The following PIK3R5 variants were observed in gnomAD, a reference collection of about 807,000 sequenced individuals.
PIK3R5 encodes phosphoinositide 3-kinase regulatory subunit 5.
In PIK3R5, 32 loss-of-function variants were observed where a neutral mutation model predicts 94.9. That is an observed-to-expected ratio of 0.34 (90% CI 0.25 to 0.45). PIK3R5 has a LOEUF of 0.45. PIK3R5 is among the 20% of genes least tolerant of loss of function. PIK3R5 has a pLI of 1.00. For synonymous variants in PIK3R5, 443 were observed against 479.4 expected (o/e 0.92, Z 0.99); for missense variants, 853 against 1,144.6 (o/e 0.75, Z 3.68).
rs770300255 is a variant in PIK3R5, at chr17:8,890,829, G to C, written c.566C>G (p.Pro189Arg). The C allele has an allele frequency of 1.2e-6, 2 of 1,613,560 alleles. No homozygotes were observed. Among genetic ancestry groups the C allele is most frequent in the South Asian group, 2.2e-5 (2 of 90,898 alleles). Residue 189 changes from proline (P) to arginine (R), a missense_variant, in exon 7 of 19, where the codon CCT becomes CGT. By Grantham distance (103) the Pro-to-Arg change is moderately radical. Transcript: ENST00000447110. The surrounding 1 kb of genome is among the most constrained non-coding windows in gnomAD (Gnocchi z 6.1). The part of the protein sequence containing the change: ...ANKLSTPGHS[P>R]HSAYTTLLLH... ...GAGCAGGGTGGTGTAGGCACTGTGAGGCGAGTGTCCGGGCGTACTCAGCTT... is the reference window on the plus strand; with the variant it reads ...GAGCAGGGTGGTGTAGGCACTGTGACGCGAGTGTCCGGGCGTACTCAGCTT...
chr17:8,925,347 G>C lies in PIK3R5; in HGVS notation c.-13-13840C>G, dbSNP rs2090855654. On this transcript the variant is annotated intron_variant, in intron 1 of 18. Transcript: ENST00000447110. This position sits in a 1 kb window ranked among gnomAD's most constrained non-coding sequence, Gnocchi z 5.1. The stretch of plus-strand genomic sequence containing the variant: ...TAGATGGATAGACAGTAGATTGATA[G>C]ATAGATGGATTGATAGATAGTAGAT... Among the ~76,000 whole-genome samples the C allele has an allele frequency of 6.6e-6, 1 of 150,976 alleles. No individual in the cohort carries two copies.
rs777022510 is a variant in PIK3R5, at chr17:8,887,084, G to C, written c.1905+12C>G. ...CCAGTGGACCCTGTTCCGCAACCAC[G>C]GGGCCACTTACCTGGCACAGGACTT... On this transcript the variant is annotated intron_variant, in intron 12 of 18. Coordinates refer to ENST00000447110, the MANE Select transcript of PIK3R5 (RefSeq NM_001142633.3). The C allele has an allele frequency of 6.2e-7, 1 of 1,613,720 alleles. No homozygotes were observed.
intron 1 of PIK3R5, among the ~76,000 whole-genome samples, chr17:8,941,935 A>G (rs1301395199): frequency 6.6e-6 from 1 of 152,232 alleles, no homozygotes; most frequent in Non-Finnish European, 1.5e-5. Flanking sequence ...GGGAGGATTT[A>G]CATGTATGGA....
chr17:8,942,958 C>T (rs926227435), intron 1 of PIK3R5, among the ~76,000 whole-genome samples: 7 of 45,842 alleles, frequency 1.5e-4, no homozygotes, highest in African/African-American at 7.6e-4. Flanking sequence ...AAGCAGATCA[C>T]GTCATACACA....
chr17:8,951,439 A>G (rs187825244), intron 1 of PIK3R5, among the ~76,000 whole-genome samples: 4 of 152,124 alleles, frequency 2.6e-5, no homozygotes, highest in Admixed American at 2.0e-4. Context: ...GTAACCTCTA[A>G]TCTACTTTCT....
chr17:8,962,079 T>A (rs74759151), intron 1 of PIK3R5, among the ~76,000 whole-genome samples: 1 of 152,336 alleles, frequency 6.6e-6, no homozygotes, highest in East Asian at 1.9e-4. Flanking sequence ...CACTTAGGCT[T>A]GGTCAATTCT....
chr17:8,887,614 C>T lies in PIK3R5; in HGVS notation c.1686G>A (p.Lys562=). 1 of 1,610,422 alleles carries T rather than the reference C, an allele frequency of 6.2e-7. No homozygotes were observed. Among genetic ancestry groups the T allele is most frequent in the Non-Finnish European group, 8.5e-7 (1 of 1,178,370 alleles). The change falls in exon 11 of 19, where the codon AAG becomes AAA. Residue 562 remains lysine, a synonymous_variant. Transcript: ENST00000447110. ...CACCAGGGCTGGTCCCATGACTTCG[C>T]TTCACAGGCACGTAGAAGAACTGAA... ...FKLQFFYVPV[K]RSHGTSPGAC...
chr17:8,894,659 GCAT>G (rs1169262139), intron 5 of PIK3R5, among the ~76,000 whole-genome samples: 2 of 152,230 alleles, frequency 1.3e-5, no homozygotes, highest in Non-Finnish European at 2.9e-5. Context: ...TTTACAGTGT[GCAT>G]TCAGTTCTGT....
intron 3 of PIK3R5, among the ~76,000 whole-genome samples, chr17:8,908,573 A>ACACACACACACAC (rs1555548559): frequency 6.7e-6 from 1 of 148,710 alleles, no homozygotes; most frequent in African/African-American, 2.5e-5. Flanking sequence ...ACACACACAC[A>ACACACACACACAC]ACCATAAAAG....
At chr17:8,918,574 A>C (rs1795944806) in intron 1 of PIK3R5, among the ~76,000 whole-genome samples, 1 of 152,244 alleles carries the variant, frequency 6.6e-6, no homozygotes, top group Admixed American at 6.5e-5. Flanking sequence ...ATTCCAATTA[A>C]TAATGTGAGA....
intron 1 of PIK3R5, among the ~76,000 whole-genome samples, chr17:8,923,213 G>A (rs2090789901): frequency 6.6e-6 from 1 of 152,148 alleles, no homozygotes; most frequent in Admixed American, 6.5e-5. Flanking sequence ...ACTTTCCCAA[G>A]GACATACGGA....
At position 8,881,920 on chromosome 17, in the gene PIK3R5, G is replaced by A. The variant is rs2089675479; in HGVS notation, c.2206-39C>T. 1.3e-6 allele frequency: 2 copies of A among 1,493,456 alleles called. No individual in the cohort carries two copies. The highest frequency in any genetic ancestry group is 2.3e-5 in the South Asian group (2 of 86,714). The allele number at this position is 1,493,456 out of a possible 1,614,324, so 92.5% of individuals were successfully genotyped here. On this transcript the variant is annotated intron_variant, in intron 15 of 18. Coordinates refer to ENST00000447110, the MANE Select transcript of PIK3R5 (RefSeq NM_001142633.3). The surrounding 1 kb of genome is among the most constrained non-coding windows in gnomAD (Gnocchi z 4.8). Reference sequence around the variant, plus strand: ...GTAGCCAGACCCTCTGAGTCCAGAGGCCCCGGTGCCTGCTGCCTTCTCTTT... The same window carrying A: ...GTAGCCAGACCCTCTGAGTCCAGAGACCCCGGTGCCTGCTGCCTTCTCTTT...
rs888409836 is a variant in PIK3R5 at position 8,888,382 on chromosome 17, G to C, written c.1405C>G (p.Pro469Ala). The change falls in exon 10 of 19, where the codon CCC becomes GCC. Residue 469 changes from proline (P) to alanine (A), a missense_variant. Coordinates refer to ENST00000447110, the MANE Select transcript of PIK3R5 (RefSeq NM_001142633.3). The surrounding 1 kb of genome is among the most constrained non-coding windows in gnomAD (Gnocchi z 7.8). ...LCSPLDEPVS[P>A]PSRAQRSRSL... ...CGGGAGCGCTGGGCCCGGGAAGGGG[G>C]TGATACTGGTTCGTCCAGGGGGCTG... 1.9e-6 allele frequency: 3 copies of C among 1,605,136 alleles called. No individual in the cohort carries two copies. The African/African-American group carries it at 4.0e-5, about 21-fold the overall frequency.
At chr17:8,948,741 C>T (rs1252864182) in intron 1 of PIK3R5, among the ~76,000 whole-genome samples, 4 of 152,162 alleles carry the variant, frequency 2.6e-5, no homozygotes, top group Admixed American at 2.0e-4. Context: ...GACAACATAC[C>T]CAGTGGAAGA....
chr17:8,935,851 G>A lies in PIK3R5; in HGVS notation c.-13-24344C>T, dbSNP rs893452729. ...GGGCGGATCACGAGGTCAGGAGATC[G>A]AGACTATACTGGCTAACGCAGTGAA... On this transcript the variant is annotated intron_variant, in intron 1 of 18. Transcript: ENST00000447110. This position sits in a 1 kb window ranked among gnomAD's most constrained non-coding sequence, Gnocchi z 4.5. Among the ~76,000 whole-genome samples, 5 of 152,108 alleles carry A rather than the reference G, an allele frequency of 3.3e-5. No individual in the cohort carries two copies. Among genetic ancestry groups the A allele is most frequent in the African/African-American group, 9.6e-5 (4 of 41,510 alleles).
chr17:8,890,336 G>A lies in PIK3R5; in HGVS notation c.658-210C>T, dbSNP rs886155183. ...TCAGGAGAGAAAGATCCAGAGCCAC[G>A]GCACTGCAGTTAGGAGGGACTTCAG... On this transcript the variant is annotated intron_variant, in intron 7 of 18. Coordinates refer to ENST00000447110, the MANE Select transcript of PIK3R5 (RefSeq NM_001142633.3). The surrounding 1 kb of genome is among the most constrained non-coding windows in gnomAD (Gnocchi z 6.1). 1.3e-5 allele frequency among the ~76,000 whole-genome samples: 2 copies of A among 152,142 alleles called. No individual in the cohort carries two copies. Among genetic ancestry groups the A allele is most frequent in the Non-Finnish European group, 2.9e-5 (2 of 68,022 alleles).
At position 8,888,668 on chromosome 17, in the gene PIK3R5, G is replaced by A; in HGVS notation, c.1119C>T (p.Arg373=). The change falls in exon 10 of 19, where the codon CGC becomes CGT. Residue 373 remains arginine, a synonymous_variant. Transcript: ENST00000447110. This position sits in a 1 kb window ranked among gnomAD's most constrained non-coding sequence, Gnocchi z 7.8. ...CTGAGACAAAGGAAGTCAGCAGATG[G>A]CGCGAGAGGGCCGGCCCCGAGGCCT... ...SSQASGPALS[R]HLLTSFVSGL... 2.5e-6 allele frequency: 4 copies of A among 1,613,884 alleles called. No individual in the cohort carries two copies. Among genetic ancestry groups the A allele is most frequent in the Non-Finnish European group, 3.4e-6 (4 of 1,179,968 alleles).
chr17:8,940,250 C>A (rs757509055), intron 1 of PIK3R5, among the ~76,000 whole-genome samples: 3 of 152,354 alleles, frequency 2.0e-5, no homozygotes, highest in Admixed American at 6.5e-5. Flanking sequence ...CCCTTCTCAC[C>A]TCACTGGGGC....
Position 8,882,447 on chromosome 17 carries a change from C to T in PIK3R5, c.2206-566G>A, listed in dbSNP as rs145811617. 1.7e-4 allele frequency: 27 copies of T among 159,958 alleles called. No individual in the cohort carries two copies. The highest frequency in any genetic ancestry group is 5.5e-4 in the African/African-American group (23 of 41,574). 9.9% of individuals were successfully genotyped at this position (159,958 alleles called of 1,614,324 possible). On this transcript the variant is annotated intron_variant, in intron 15 of 18. Coordinates refer to ENST00000447110, the MANE Select transcript of PIK3R5 (RefSeq NM_001142633.3). This position sits in a 1 kb window ranked among gnomAD's most constrained non-coding sequence, Gnocchi z 4.1. ...CTTTGCTGGATCGCTGCCCTCTGCC[C>T]GCCATTACATCATGAAGGGCTCAAG...
Sources: allele counts gnomAD v4.1 joint callset (sites outside exome capture counted in the v4.1 genomes callset), GRCh38; gene constraint gnomAD v4.1.1; non-coding constraint Gnocchi (gnomAD v3.1); transcripts MANE v1.5; gene names NCBI Gene and HGNC (gene_info 2026-07-23, HGNC 2026-07-21).